DLGAP1: variants seen among roughly 807,000 people sequenced by gnomAD.
DLGAP1 encodes the protein disks large-associated protein 1.
In DLGAP1, 11 loss-of-function variants were observed where a neutral mutation model predicts 90.8. The observed-to-expected ratio is 0.12, with a 90% confidence interval of 0.08 to 0.20. The LOEUF is 0.20. Ranked by LOEUF, DLGAP1 falls within the 10% of genes least tolerant of loss-of-function variation. The pLI is 1.00. For missense variants in DLGAP1, 1,050 were observed against 1,333.8 expected (o/e 0.79, Z 3.31); for synonymous variants, 558 against 540.7 (o/e 1.03, Z -0.44).
At chr18:3,509,855 C>G (rs2050442599) in intron 10 of DLGAP1, among the ~76,000 whole-genome samples, 1 of 152,162 alleles carries the variant, frequency 6.6e-6, no homozygotes, top group Non-Finnish European at 1.5e-5. Flanking sequence ...GATGCACATT[C>G]TACCTAGGCG....
intron 7 of DLGAP1, among the ~76,000 whole-genome samples, chr18:3,682,135 A>AAAAAAAT (rs1567956191): frequency 2.7e-5 from 4 of 147,702 alleles, no homozygotes; most frequent in Admixed American, 6.8e-5. Context: ...AAAAAATAAA[A>AAAAAAAT]AAAAATAAAA....
intron 2 of DLGAP1, among the ~76,000 whole-genome samples, chr18:4,094,374 G>A (rs940151777): frequency 6.6e-6 from 1 of 152,002 alleles, no homozygotes; most frequent in African/African-American, 2.4e-5. Context: ...ACACGGTTAT[G>A]TATAACATTG....
chr18:3,872,725 G>C (rs949879629), intron 4 of DLGAP1, among the ~76,000 whole-genome samples: 2 of 152,130 alleles, frequency 1.3e-5, no homozygotes, highest in Admixed American at 6.5e-5. Context: ...ATCTCATGTG[G>C]GCTAGAGACT....
At chr18:3,850,142 G>C (rs933389766) in intron 4 of DLGAP1, among the ~76,000 whole-genome samples, 1 of 151,850 alleles carries the variant, frequency 6.6e-6, no homozygotes, top group African/African-American at 2.4e-5. Context: ...TGAGGTGGGC[G>C]GATCACTTCA....
intron 2 of DLGAP1, among the ~76,000 whole-genome samples, chr18:4,145,299 A>C (rs954728225): frequency 2.0e-5 from 3 of 152,240 alleles, no homozygotes; most frequent in African/African-American, 7.2e-5. Flanking sequence ...TCAAGGTATC[A>C]AATAGCAATA....
At chr18:3,976,778 T>C (rs1032047288) in intron 3 of DLGAP1, among the ~76,000 whole-genome samples, 18 of 152,322 alleles carry the variant, frequency 1.2e-4, no homozygotes, top group Admixed American at 3.3e-4. Context: ...ACAAGACAAA[T>C]TGATTTTCAA....
chr18:4,331,618 T>C (rs1430594947), intron 1 of DLGAP1, among the ~76,000 whole-genome samples: 2 of 151,754 alleles, frequency 1.3e-5, no homozygotes, highest in South Asian at 2.1e-4. Flanking sequence ...TCGAACAAAA[T>C]GTAAATTCCT....
chr18:3,730,283 ATAAG>A (rs1440142324), intron 6 of DLGAP1, among the ~76,000 whole-genome samples: 1 of 42,926 alleles, frequency 2.3e-5, no homozygotes, highest in African/African-American at 1.0e-4. Context: ...AAAAAACCTG[ATAAG>A]ATTCATAAAT....
chr18:4,204,324 TA>T (rs2077673330), intron 1 of DLGAP1, among the ~76,000 whole-genome samples: 1 of 152,238 alleles, frequency 6.6e-6, no homozygotes, highest in Admixed American at 6.5e-5. Context: ...AGAAGGTTGT[TA>T]TTCTTTTCAT....
At chr18:3,500,743 T>C (rs1353344077) in intron 12 of DLGAP1, among the ~76,000 whole-genome samples, 1 of 152,222 alleles carries the variant, frequency 6.6e-6, no homozygotes, top group Admixed American at 6.5e-5. Flanking sequence ...ACTAATGATT[T>C]ACTATGTAAA....
chr18:4,270,949 C>G (rs1052694247), intron 1 of DLGAP1, among the ~76,000 whole-genome samples: 7 of 152,132 alleles, frequency 4.6e-5, no homozygotes, highest in Non-Finnish European at 7.3e-5. Flanking sequence ...TATGAAGTAA[C>G]AATTTTCATC....
At position 3,958,797 on chromosome 18, in the gene DLGAP1, C is replaced by G. The variant is rs538577968; in HGVS notation, c.-73+46319G>C. Among the ~76,000 whole-genome samples the G allele has an allele frequency of 1.6e-4, 25 of 152,244 alleles. No homozygotes were observed. In the East Asian group the frequency reaches 4.6e-3, roughly 28 times the overall value. On this transcript the variant is annotated intron_variant, in intron 3 of 12. Coordinates refer to ENST00000315677, the MANE Select transcript of DLGAP1 (RefSeq NM_004746.4). ...TGATGAGTAGCCAGTAGTTAAAGCC[C>G]CAGGTGAGCATCGTCCTCCCGTTTG... is the stretch of plus-strand genomic sequence containing the variant.
chr18:3,523,930 A>G (rs1180572214), intron 10 of DLGAP1, among the ~76,000 whole-genome samples: 1 of 152,084 alleles, frequency 6.6e-6, no homozygotes, highest in African/African-American at 2.4e-5. Flanking sequence ...AAACCAGAAG[A>G]AACAAAAATG....
At chr18:3,532,196 T>C (rs1215899934) in intron 10 of DLGAP1, among the ~76,000 whole-genome samples, 1 of 151,934 alleles carries the variant, frequency 6.6e-6, no homozygotes, top group Non-Finnish European at 1.5e-5. Flanking sequence ...TAACTACAAA[T>C]GGTGGAGACA....
chr18:3,679,020 C>T (rs573121995), intron 7 of DLGAP1, among the ~76,000 whole-genome samples: 316 of 152,206 alleles, frequency 2.1e-3, no homozygotes, highest in Non-Finnish European at 3.7e-3. Context: ...TTTTTAGAGA[C>T]TGGATCTTGT....
chr18:4,334,763 C>T (rs1237954852), intron 1 of DLGAP1, among the ~76,000 whole-genome samples: 1 of 151,812 alleles, frequency 6.6e-6, no homozygotes, highest in Non-Finnish European at 1.5e-5. Flanking sequence ...TCAAACCTGC[C>T]TCCACCTGCA....
chr18:4,187,826 G>C (rs1046862318), intron 1 of DLGAP1, among the ~76,000 whole-genome samples: 1 of 151,964 alleles, frequency 6.6e-6, no homozygotes, highest in Non-Finnish European at 1.5e-5. Context: ...GTGAAACTCT[G>C]TCTCTATTAA....
intron 2 of DLGAP1, among the ~76,000 whole-genome samples, chr18:4,121,493 G>A (rs1305246267): frequency 6.6e-6 from 1 of 152,100 alleles, no homozygotes; most frequent in East Asian, 1.9e-4. Context: ...GATCACTCTC[G>A]ATTCTGATCA....
At chr18:4,348,436 G>T (rs867163397) in intron 1 of DLGAP1, among the ~76,000 whole-genome samples, 1 of 151,256 alleles carries the variant, frequency 6.6e-6, no homozygotes, top group East Asian at 1.9e-4. Context: ...GTGTGTGTGT[G>T]TGTGTGTACA....
Sources: allele counts gnomAD v4.1 joint callset (sites outside exome capture counted in the v4.1 genomes callset), GRCh38; gene constraint gnomAD v4.1.1; transcripts MANE v1.5; gene names NCBI Gene and HGNC (gene_info 2026-07-23, HGNC 2026-07-21).